Variants in TPRG1 observed in about 807,000 individuals in gnomAD.
TPRG1 encodes the protein tumor protein p63 regulated 1.
In TPRG1, 29 loss-of-function variants were observed where a neutral mutation model predicts 29.3. The observed-to-expected ratio is 0.99, with a 90% CI of 0.74 to 1.35. The LOEUF (loss-of-function observed/expected upper bound fraction) is 1.35. Among genes scored for constraint, TPRG1 ranks in the 40% most tolerant of loss-of-function variants. TPRG1 has a pLI of 0.00. For missense variants in TPRG1, 327 were observed against 335.0 expected, an observed-to-expected ratio of 0.98 and a Z score of 0.19; for synonymous variants, 130 against 116.8, an observed-to-expected ratio of 1.11 and a Z score of -0.73.
chr3:189,058,839 T>C (rs1715903764), intron 4 of TPRG1, among the ~76,000 whole-genome samples: 1 of 152,154 alleles, frequency 6.6e-6, no homozygotes, highest in Non-Finnish European at 1.5e-5. Context: ...GCTGAATTGA[T>C]GGAATGGACC....
At chr3:189,315,457 T>A in intron 5 of TPRG1, 1 of 450,456 alleles carries the variant, frequency 2.2e-6, no homozygotes, top group South Asian at 1.6e-5. Context: ...GCCTTACCTT[T>A]TCTTTTTTAA....
Position 189,007,771 on chromosome 3 carries a change from A to T in TPRG1, c.-660+3011A>T, listed in dbSNP as rs1237056979. Among the ~76,000 whole-genome samples the T allele has an allele frequency of 3.5e-5, 5 of 140,896 alleles. No homozygotes were observed. In the South Asian group the frequency reaches 1.2e-3, roughly 33 times the overall value. 92.4% of individuals were successfully genotyped at this position (140,896 alleles called of 152,430 possible). A position where few individuals can be genotyped will look rare whatever the true frequency, so the allele number is the denominator to read the frequency against. ...AGGGACATGGATGAAATTGGAAACCATCATTCTCAGTAAACTATCGCAAGA... is the reference window on the plus strand; with the variant it reads ...AGGGACATGGATGAAATTGGAAACCTTCATTCTCAGTAAACTATCGCAAGA... On this transcript the variant is annotated intron_variant, in intron 3 of 10. Coordinates refer to the TPRG1 transcript ENST00000433971.
At chr3:189,243,496 A>G (rs2108969192) in intron 4 of TPRG1, among the ~76,000 whole-genome samples, 1 of 152,078 alleles carries the variant, frequency 6.6e-6, no homozygotes, top group Non-Finnish European at 1.5e-5. Flanking sequence ...GCTCCTTTTT[A>G]TATATGCAAA....
intron 3 of TPRG1, among the ~76,000 whole-genome samples, chr3:189,139,248 G>A (rs1214337774): frequency 6.6e-6 from 1 of 152,210 alleles, no homozygotes; most frequent in Non-Finnish European, 1.5e-5. Context: ...AGTAAGAGAT[G>A]CATCTGCCAC....
intron 4 of TPRG1, among the ~76,000 whole-genome samples, chr3:189,040,801 G>C (rs925211320): frequency 3.3e-5 from 5 of 152,146 alleles, no homozygotes; most frequent in Non-Finnish European, 1.5e-5. Context: ...TTGGGCACAA[G>C]TCCCTAGGGA....
chr3:189,256,704 A>G (rs561168188), intron 4 of TPRG1, among the ~76,000 whole-genome samples: 2 of 152,248 alleles, frequency 1.3e-5, no homozygotes, highest in East Asian at 1.9e-4. Context: ...TTGGGTGCAT[A>G]TATATTTAGG....
rs147991242 is a variant in TPRG1, at chr3:189,187,811, G to A, written c.-10+15680G>A. On this transcript the variant is annotated intron_variant, in intron 1 of 5. Coordinates refer to ENST00000345063, the MANE Select transcript of TPRG1 (RefSeq NM_198485.4). ...CTATTTTGTGATAAAGGTATTGATT[G>A]CATGAAATGAATCAATTTTTATCTG... is the stretch of plus-strand genomic sequence containing the variant. Among the ~76,000 whole-genome samples the A allele has an allele frequency of 1.7e-3, 255 of 152,292 alleles. 1 individual carries two copies. The highest frequency in any genetic ancestry group is 5.8e-3 in the African/African-American group (241 of 41,560).
Position 189,310,544 on chromosome 3 carries a change from G to A in TPRG1, c.633+5G>A. On this transcript the variant is annotated splice_donor_5th_base_variant and intron_variant, in intron 5 of 5. Coordinates refer to ENST00000345063, the MANE Select transcript of TPRG1 (RefSeq NM_198485.4). ...AAATTCCTTGAAATTTGCAAGGTAG[G>A]AGGCATCTTGGGTATTACTCTCAGA... 2 of 1,606,300 alleles carry A rather than the reference G, an allele frequency of 1.2e-6. No homozygotes were observed. The highest frequency in any genetic ancestry group is 1.3e-5 in the African/African-American group (1 of 74,772).
chr3:189,085,480 G>A (rs1717879515), intron 4 of TPRG1, among the ~76,000 whole-genome samples: 1 of 134,234 alleles, frequency 7.4e-6, no homozygotes, highest in African/African-American at 3.4e-5. Context: ...TGTGTATTAT[G>A]GAGTTCCAGT....
In TPRG1 at chr3:189,261,508, T is replaced by C. The variant is rs186322126; in HGVS notation, c.479+22599T>C. ...GGCAGCTCTTTTAACTGTATGTTCT[T>C]TCTAAGCAGTAATTTGATTACATTC... On this transcript the variant is annotated intron_variant, in intron 4 of 5. Transcript: ENST00000345063. Among the ~76,000 whole-genome samples the C allele has an allele frequency of 3.2e-3, 480 of 152,310 alleles. 3 individuals are homozygous for C. Among genetic ancestry groups the C allele is most frequent in the Admixed American group, 7.2e-3 (110 of 15,298 alleles).
intron 1 of TPRG1, among the ~76,000 whole-genome samples, chr3:189,106,996 G>A (rs1485697895): frequency 2.0e-5 from 3 of 151,576 alleles, no homozygotes; most frequent in African/African-American, 4.9e-5. Flanking sequence ...TGCACATAAT[G>A]TGATTTTTTT....
intron 4 of TPRG1, among the ~76,000 whole-genome samples, chr3:189,062,141 A>T (rs1240505952): frequency 6.6e-6 from 1 of 152,214 alleles, no homozygotes; most frequent in Non-Finnish European, 1.5e-5. Context: ...TTGTGGGAAC[A>T]TGGATGGAGC....
chr3:189,158,864 A>G (rs1004188074), intron 5 of TPRG1, among the ~76,000 whole-genome samples: 1 of 151,796 alleles, frequency 6.6e-6, no homozygotes, highest in African/African-American at 2.4e-5. Flanking sequence ...TGTTTTGCCC[A>G]CTTGTCTGAA....
chr3:189,316,686 A>G (rs1723589210), intron 5 of TPRG1, among the ~76,000 whole-genome samples: 1 of 152,192 alleles, frequency 6.6e-6, no homozygotes, highest in Non-Finnish European at 1.5e-5. Flanking sequence ...CACTGCTGCT[A>G]TACTTTATCC....
chr3:189,320,281 T>C (rs891324169), intron 5 of TPRG1, among the ~76,000 whole-genome samples: 4 of 152,072 alleles, frequency 2.6e-5, no homozygotes, highest in African/African-American at 7.2e-5. Context: ...ACAGTACTAA[T>C]ACCGATGCAA....
intron 3 of TPRG1, among the ~76,000 whole-genome samples, chr3:189,022,606 C>T (rs58059519): frequency 2.6e-4 from 39 of 152,108 alleles, no homozygotes; most frequent in Non-Finnish European, 4.4e-4. Flanking sequence ...TCTCCAGCTG[C>T]GTGCTGGGAG....
At chr3:189,117,566 T>A (rs1721327289) in intron 1 of TPRG1, among the ~76,000 whole-genome samples, 1 of 152,168 alleles carries the variant, frequency 6.6e-6, no homozygotes, top group South Asian at 2.1e-4. Flanking sequence ...CACCCAAATC[T>A]CATCTTGAGT....
chr3:189,176,691 G>A (rs1729532259), intron 1 of TPRG1, among the ~76,000 whole-genome samples: 1 of 152,210 alleles, frequency 6.6e-6, no homozygotes, highest in Admixed American at 6.5e-5. Context: ...ATTGGTGAAA[G>A]AGTATTCCAG....
In TPRG1 at chr3:189,284,359, C is replaced by T. The variant is rs1431688483; in HGVS notation, c.480-26027C>T. ...AATGCTATCCCTCCCCCCCCCTCCC[C>T]CCACCCCACAACAGGCCCTGGTACG... On this transcript the variant is annotated intron_variant, in intron 4 of 5. Coordinates refer to ENST00000345063, the MANE Select transcript of TPRG1 (RefSeq NM_198485.4). Among the ~76,000 whole-genome samples the T allele has an allele frequency of 3.6e-4, 44 of 122,232 alleles. No homozygotes were observed. The South Asian group carries it at 9.5e-3, about 26-fold the overall frequency. The allele number at this position is 122,232 out of a possible 152,430, so 80.2% of individuals were successfully genotyped here. A position where few individuals can be genotyped will look rare whatever the true frequency, so the allele number is the denominator to read the frequency against.
Sources: gnomAD v4.1 joint callset for allele counts (sites outside exome capture counted in the v4.1 genomes callset) on GRCh38, gnomAD v4.1.1 for gene constraint, MANE v1.5 for transcripts, NCBI Gene and HGNC (gene_info 2026-07-23, HGNC 2026-07-21) for gene names.